SSH2: variants seen among roughly 807,000 people sequenced by gnomAD.
SSH2 encodes the protein protein phosphatase Slingshot homolog 2.
SSH2 carries 37 observed loss-of-function variants against 135.2 expected under a neutral mutation model. That is an observed-to-expected ratio of 0.27 (90% CI 0.21 to 0.36). The LOEUF (loss-of-function observed/expected upper bound fraction) is 0.36. Among genes scored for constraint, SSH2 ranks in the 10% least tolerant of loss-of-function variants. The pLI is 1.00. For synonymous variants in SSH2, 628 were observed against 646.2 expected, an observed-to-expected ratio of 0.97 and a Z score of 0.43; for missense variants, 1,408 against 1,765.3, an observed-to-expected ratio of 0.80 and a Z score of 3.63.
chr17:29,848,669 C>T (rs1436966185), intron 2 of SSH2, among the ~76,000 whole-genome samples, 180 bp downstream of exon 2: 1 of 152,066 alleles, frequency 6.6e-6, no homozygotes, highest in African/African-American at 2.4e-5. Context: ...TATAAATGTA[C>T]CATACTGTTT....
chr17:29,672,191 G>T (rs2037523612), intron 8 of SSH2, 62 bp from the exon 9 acceptor site: 1 of 1,281,480 alleles, frequency 7.8e-7, no homozygotes, highest in Non-Finnish European at 1.1e-6. Context: ...CCAATAACCT[G>T]TGTACTCCAA....
intron 11 of SSH2, among the ~76,000 whole-genome samples, chr17:29,662,344 G>T (rs2151024348): frequency 6.6e-6 from 1 of 152,248 alleles, no homozygotes; most frequent in Non-Finnish European, 1.5e-5. Context: ...TGGGAGTTCT[G>T]CTAAGATAAA....
intron 2 of SSH2, among the ~76,000 whole-genome samples, chr17:29,822,447 G>A (rs984240801): frequency 1.4e-4 from 21 of 150,820 alleles, no homozygotes; most frequent in Admixed American, 1.2e-3. Context: ...CTGCTGCCTC[G>A]AATTCCTGGA....
At chr17:29,925,386 A>G (rs2067046320) in intron 1 of SSH2, 1 of 395,340 alleles carries the variant, frequency 2.5e-6, no homozygotes, top group Admixed American at 4.4e-5. Flanking sequence ...CTATTGTACA[A>G]TATGGTTTCT....
intron 5 of SSH2, among the ~76,000 whole-genome samples, chr17:29,693,948 T>C (rs1236933756): frequency 1.3e-5 from 2 of 152,230 alleles, no homozygotes; most frequent in East Asian, 3.8e-4. Flanking sequence ...GTTTCACAAG[T>C]GCTTATTGAA....
chr17:29,747,217 C>T (rs929809260), intron 3 of SSH2, among the ~76,000 whole-genome samples: 1 of 152,120 alleles, frequency 6.6e-6, no homozygotes, highest in South Asian at 2.1e-4. Flanking sequence ...TAGTTCATTA[C>T]CAAAAAAAAT....
chr17:29,814,908 T>C lies in SSH2; in HGVS notation c.145-20971A>G, dbSNP rs376461062. On this transcript the variant is annotated intron_variant, in intron 2 of 15. Transcript: ENST00000540801. ...CATATATTATAATGGGAAAGTGAAT[T>C]AGGGATGGGGAAAATGTATAAATTA... Among the ~76,000 whole-genome samples the C allele has an allele frequency of 4.0e-4, 60 of 151,642 alleles. 1 individual carries two copies. The South Asian group carries it at 0.012, about 29-fold the overall frequency.
At chr17:29,897,102 G>A (rs982058936) in intron 1 of SSH2, among the ~76,000 whole-genome samples, 4 of 151,714 alleles carry the variant, frequency 2.6e-5, no homozygotes, top group Non-Finnish European at 5.9e-5. Context: ...ATTAGAACAA[G>A]CTCTAAATAA....
At chr17:29,671,860 G>C (rs756756801) in intron 9 of SSH2, 75 bp downstream of exon 9, 3 of 1,265,082 alleles carry the variant, frequency 2.4e-6, no homozygotes, top group Non-Finnish European at 3.4e-6. Context: ...GAAAAGATTA[G>C]GGAGGAACAT....
intron 1 of SSH2, among the ~76,000 whole-genome samples, chr17:29,860,447 T>C (rs2151405143): frequency 6.7e-6 from 1 of 148,580 alleles, no homozygotes; most frequent in Non-Finnish European, 1.5e-5. Flanking sequence ...ACTTTTTTTT[T>C]TTTTTTTTTT....
chr17:29,915,775 A>T (rs970876647), intron 1 of SSH2, among the ~76,000 whole-genome samples: 5 of 150,914 alleles, frequency 3.3e-5, no homozygotes, highest in South Asian at 2.1e-4. Flanking sequence ...TTCTCTAATT[A>T]AAAAAAAATG....
intron 2 of SSH2, among the ~76,000 whole-genome samples, chr17:29,812,669 T>G (rs2042465210): frequency 6.6e-6 from 1 of 152,090 alleles, no homozygotes; most frequent in African/African-American, 2.4e-5. Flanking sequence ...AGCGGGTGGA[T>G]CACGAGGTCA....
intron 2 of SSH2, among the ~76,000 whole-genome samples, chr17:29,848,030 A>G (rs757187497): frequency 9.9e-5 from 15 of 152,198 alleles, no homozygotes; most frequent in Non-Finnish European, 1.9e-4. Flanking sequence ...CTGTTCAATA[A>G]AAGATTGCTG....
At position 29,631,053 on chromosome 17, in the gene SSH2, G is replaced by A. The variant is rs886226643; in HGVS notation, c.4141C>T (p.Gln1381Ter). Residue 1381 changes from glutamine (Q) to a stop codon, truncating the protein, a stop_gained, in exon 16 of 16, where the codon CAG becomes TAG. Transcript: ENST00000540801. LOFTEE classifies it high-confidence loss of function. ...VQYAKEFGSS[Q>*]QYLLPRAGLE... ...CCTGCCCTGGGGAGCAAATACTGCT[G>A]ACTAGAACCAAATTCTTTGGCATAC... 6.2e-7 allele frequency: 1 copy of A among 1,614,108 alleles called. No homozygotes were observed. The highest frequency in any genetic ancestry group is 1.3e-5 in the African/African-American group (1 of 74,932).
chr17:29,658,250 C>A (rs1488901735), intron 11 of SSH2, among the ~76,000 whole-genome samples: 1 of 152,100 alleles, frequency 6.6e-6, no homozygotes, highest in Non-Finnish European at 1.5e-5. Context: ...GATCTGCCCA[C>A]CTCGGCCTCC....
rs753963138 is a variant in SSH2, at chr17:29,814,304, G to T, written c.145-20367C>A. ...CAAAAAATTAGCCGGGCGTGGTGGC[G>T]CGCTTGTAGTCCCAGCTACTCGGGA... is the stretch of plus-strand genomic sequence containing the variant. On this transcript the variant is annotated intron_variant, in intron 2 of 15. Transcript: ENST00000540801. 2.0e-5 allele frequency among the ~76,000 whole-genome samples: 3 copies of T among 147,918 alleles called. No homozygotes were observed. In the East Asian group the frequency reaches 5.9e-4, roughly 29 times the overall value.
chr17:29,919,122 C>T (rs1056475777), intron 1 of SSH2, among the ~76,000 whole-genome samples: 14 of 152,272 alleles, frequency 9.2e-5, no homozygotes, highest in Admixed American at 9.1e-4. Flanking sequence ...TAATATCAAT[C>T]TTTCTACTTC....
chr17:29,794,283 A>G (rs1219488905), intron 2 of SSH2, among the ~76,000 whole-genome samples: 1 of 152,192 alleles, frequency 6.6e-6, no homozygotes, highest in South Asian at 2.1e-4. Context: ...ACTACCACCA[A>G]TAAATCTCAT....
chr17:29,756,421 C>T (rs942807905), intron 3 of SSH2, among the ~76,000 whole-genome samples: 4 of 151,854 alleles, frequency 2.6e-5, no homozygotes, highest in Admixed American at 6.6e-5. Flanking sequence ...CAGGCATGAA[C>T]CACTACACCT....
Sources: gnomAD v4.1 joint callset for allele counts (sites outside exome capture counted in the v4.1 genomes callset) on GRCh38, gnomAD v4.1.1 for gene constraint, MANE v1.5 for transcripts, NCBI Gene and HGNC (gene_info 2026-07-23, HGNC 2026-07-21) for gene names.